Variants in POPDC3 observed in about 807,000 individuals in gnomAD.
The protein encoded by POPDC3 is popeye domain cAMP effector 3.
A neutral mutation model predicts 28.2 loss-of-function variants in POPDC3; 20 were observed. The ratio of observed to expected loss-of-function variants is 0.71; its 90% CI spans 0.50 to 1.03. The LOEUF is 1.03. POPDC3 is among the 50% of genes least tolerant of loss of function. The pLI is 0.00. For missense variants in POPDC3, 316 were observed against 345.9 expected (o/e 0.91, Z 0.69); for synonymous variants, 118 against 124.1 (o/e 0.95, Z 0.33).
chr6:105,178,939 C>T, intron 1 of POPDC3: 2 of 985,380 alleles, frequency 2.0e-6, no homozygotes, highest in Non-Finnish European at 2.4e-6. Flanking sequence ...TATCTAACTA[C>T]CGGAATTAGA....
intron 1 of POPDC3, among the ~76,000 whole-genome samples, chr6:105,171,040 A>C (rs1774566650): frequency 6.6e-6 from 1 of 152,220 alleles, no homozygotes; most frequent in African/African-American, 2.4e-5. Flanking sequence ...AAAGTTCACA[A>C]GTGTGAAAGG....
In POPDC3 at chr6:105,173,991, GA is replaced by G. The variant is rs1774633043; in HGVS notation, c.-252+5841del. 2.0e-5 allele frequency among the ~76,000 whole-genome samples: 3 copies of G among 152,246 alleles called. No homozygotes were observed. The South Asian group carries it at 6.2e-4, about 32-fold the overall frequency. On this transcript the variant is annotated intron_variant, in intron 1 of 3. Coordinates refer to ENST00000254765, the MANE Select transcript of POPDC3 (RefSeq NM_022361.5). ...TATAGCCTGAATTACTACACTTCAG[GA>G]ATATAAAGGATACTTTAGGACTCCG...
In POPDC3 at chr6:105,158,767, C is replaced by T. The variant is rs777319425; in HGVS notation, c.595-16G>A. ...TGAGGGTTACCTAAAAAACACAAGA[C>T]CACACATAAACAGATGTGGAAGCAA... On this transcript the variant is annotated splice_polypyrimidine_tract_variant and intron_variant, in intron 3 of 3. Transcript: ENST00000254765. 158 of 1,589,842 alleles carry T rather than the reference C, an allele frequency of 9.9e-5. No individual in the cohort carries two copies. Among genetic ancestry groups the T allele is most frequent in the Non-Finnish European group, 1.3e-4 (151 of 1,165,380 alleles).
In POPDC3 at chr6:105,161,760, G is replaced by A. The variant is rs536852843; in HGVS notation, c.150C>T (p.Leu50=). ...GFMGGSGFFG[L]LYVFSLLGLG... is the part of the protein sequence containing the mutation. ...ACCCCAGCAAACTGAAGACATAAAG[G>A]AGCCCGAAGAATCCACTGCCACCCA... The change falls in exon 2 of 4, where the codon CTC becomes CTT. Residue 50 remains leucine, a synonymous_variant. Transcript: ENST00000254765. 4.3e-6 allele frequency: 7 copies of A among 1,614,112 alleles called. No individual in the cohort carries two copies. In the African/African-American group the frequency reaches 9.3e-5, roughly 22 times the overall value.
intron 3 of POPDC3, 26 bp downstream of exon 3, chr6:105,159,685 T>C (rs943063661): frequency 3.9e-6 from 5 of 1,266,126 alleles, no homozygotes; most frequent in Non-Finnish European, 5.8e-6. Flanking sequence ...GAGGGAGTGC[T>C]AACTGTGTGT....
intron 1 of POPDC3, chr6:105,168,902 A>G (rs537893890): frequency 2.0e-5 from 3 of 152,342 alleles, no homozygotes; most frequent in South Asian, 2.1e-4. Context: ...CTTTAGTCCT[A>G]TAACCTCAAG....
At position 105,162,061 on chromosome 6, in the gene POPDC3, C is replaced by T. The variant is rs1276744702; in HGVS notation, c.-152G>A. ...TGGAGTTGATGCTGATTAAAGGCTT[C>T]GTGTGTACGGATCTTGAAAAACTAA... is the stretch of plus-strand genomic sequence containing the variant. On this transcript the variant is annotated 5_prime_UTR_variant, in exon 2 of 4. Transcript: ENST00000254765. 1.9e-5 allele frequency: 28 copies of T among 1,449,612 alleles called. No homozygotes were observed. The highest frequency in any genetic ancestry group is 2.3e-4 in the Middle Eastern group (1 of 4,340). 89.8% of individuals were successfully genotyped at this position (1,449,612 alleles called of 1,614,324 possible).
At chr6:105,159,040 A>C (rs1309181092) in intron 3 of POPDC3, 3 of 255,768 alleles carry the variant, frequency 1.2e-5, no homozygotes, top group South Asian at 1.4e-4. Context: ...GATCTTAAAA[A>C]AAAAAAAAGT....
In POPDC3 at chr6:105,161,934, T is replaced by C. The variant is rs773005776; in HGVS notation, c.-25A>G. The stretch of plus-strand genomic sequence containing the variant: ...TGGCTGTATTACTGCCTGCTTCACT[T>C]TTCAGTTGACTTTAGATGACACTGA... On this transcript the variant is annotated 5_prime_UTR_variant, in exon 2 of 4. Transcript: ENST00000254765. 6.4e-7 allele frequency: 1 copy of C among 1,559,844 alleles called. No homozygotes were observed. The highest frequency in any genetic ancestry group is 2.2e-5 in the East Asian group (1 of 44,548).
chr6:105,171,511 A>T (rs1218572103), intron 1 of POPDC3, among the ~76,000 whole-genome samples: 1 of 151,928 alleles, frequency 6.6e-6, no homozygotes, highest in Non-Finnish European at 1.5e-5. Flanking sequence ...TCTACAAAAA[A>T]ATTAAAAGAA....
At chr6:105,173,133 C>T (rs1774613108) in intron 1 of POPDC3, among the ~76,000 whole-genome samples, 1 of 152,150 alleles carries the variant, frequency 6.6e-6, no homozygotes, top group Non-Finnish European at 1.5e-5. Flanking sequence ...CTTAAATTTC[C>T]TTTCATATCT....
rs370713546 is a variant in POPDC3 at position 105,163,279 on chromosome 6, G to A, written c.-251-1119C>T. ...TACTTACATATTTATTTATCAGATG[G>A]TCAAAAATATTACCAACTCTGTTCC... On this transcript the variant is annotated intron_variant, in intron 1 of 3. Coordinates refer to ENST00000254765, the MANE Select transcript of POPDC3 (RefSeq NM_022361.5). Among the ~76,000 whole-genome samples the A allele has an allele frequency of 3.2e-4, 49 of 152,130 alleles. 2 individuals carry two copies. The South Asian group carries it at 0.01, about 31-fold the overall frequency.
intron 1 of POPDC3, chr6:105,169,906 C>T (rs1271750059): frequency 1.3e-5 from 2 of 152,210 alleles, no homozygotes; most frequent in Admixed American, 6.5e-5. Context: ...GCTACATGTA[C>T]AATTTCAATA....
chr6:105,179,078 T>A, intron 1 of POPDC3: 2 of 985,464 alleles, frequency 2.0e-6, no homozygotes, highest in Non-Finnish European at 2.4e-6. Flanking sequence ...TCTGGCTAAA[T>A]TTTTGGCACT....
intron 1 of POPDC3, among the ~76,000 whole-genome samples, chr6:105,174,160 C>A (rs1365721022): frequency 6.6e-6 from 1 of 152,174 alleles, no homozygotes. Context: ...TCCTGCCTCA[C>A]CCTCGAAAGT....
rs1774243359 is a variant in POPDC3, at chr6:105,158,579, T to C, written c.767A>G (p.Tyr256Cys). 2 of 1,614,138 alleles carry C rather than the reference T, an allele frequency of 1.2e-6. No individual in the cohort carries two copies. The highest frequency in any genetic ancestry group is 2.7e-5 in the African/African-American group (2 of 75,058). The stretch of plus-strand genomic sequence containing the variant: ...GTTGGGTAGCCGAATATCATAGTGA[T>C]ATCTTTTTCCTATATATACCCTGTC... The part of the protein sequence containing the change: ...LNDRVYIGKR[Y>C]HYDIRLPNFY... The change falls in exon 4 of 4, where the codon TAT (tyrosine) becomes TGT (cysteine). Residue 256 changes from tyrosine to cysteine, a missense_variant. Transcript: ENST00000254765.
intron 3 of POPDC3, 75 bp from the exon 4 acceptor site, chr6:105,158,826 G>A: frequency 7.7e-7 from 1 of 1,295,846 alleles, no homozygotes; most frequent in Non-Finnish European, 1.1e-6. Context: ...TACCCCAATT[G>A]TTAAATTAAT....
At chr6:105,170,527 C>A (rs1562155977) in intron 1 of POPDC3, among the ~76,000 whole-genome samples, 2 of 152,122 alleles carry the variant, frequency 1.3e-5, no homozygotes, top group Non-Finnish European at 2.9e-5. Context: ...ACCAGGTGGA[C>A]CACACATTTG....
chr6:105,172,363 T>G (rs534793651), intron 1 of POPDC3, among the ~76,000 whole-genome samples: 6 of 151,210 alleles, frequency 4.0e-5, no homozygotes, highest in African/African-American at 1.5e-4. Flanking sequence ...AGAATGGCAA[T>G]CATTAAAAAG....
Sources: allele counts gnomAD v4.1 joint callset (sites outside exome capture counted in the v4.1 genomes callset), GRCh38; gene constraint gnomAD v4.1.1; transcripts MANE v1.5; gene names NCBI Gene and HGNC (gene_info 2026-07-23, HGNC 2026-07-21).